The following CSDE1 variants were observed in gnomAD, a reference collection of about 807,000 sequenced individuals.
CSDE1 encodes cold shock domain containing E1, also known as cold shock domain-containing protein E1.
CSDE1 carries 17 observed loss-of-function variants against 89.3 expected under a neutral mutation model. That is an observed-to-expected ratio of 0.19 (90% CI 0.13 to 0.29). The LOEUF (loss-of-function observed/expected upper bound fraction) is 0.29, where lower values mean the gene tolerates loss of function less well. Among genes scored for constraint, CSDE1 ranks in the 10% least tolerant of loss-of-function variants. The probability of loss-of-function intolerance (pLI) is 1.00; values close to 1 mark genes in which losing one functional copy is unlikely to be tolerated. For synonymous variants in CSDE1, 322 were observed against 332.8 expected, an observed-to-expected ratio of 0.97 and a Z score of 0.35; for missense variants, 672 against 984.2, an observed-to-expected ratio of 0.68 and a Z score of 4.24.
intron 2 of CSDE1, chr1:114,741,393 G>C (rs1167661134): frequency 2.6e-6 from 2 of 781,418 alleles, no homozygotes; most frequent in Non-Finnish European, 3.8e-6. Context: ...TCTTTCAAGA[G>C]TGAAGGTGAA....
intron 2 of CSDE1, among the ~76,000 whole-genome samples, chr1:114,748,957 T>C (rs977203281): frequency 2.0e-5 from 3 of 152,204 alleles, no homozygotes; most frequent in African/African-American, 7.2e-5. Flanking sequence ...ACAAATGCAT[T>C]GGGCCAAGCC....
intron 12 of CSDE1, among the ~76,000 whole-genome samples, chr1:114,727,328 T>C (rs961176521): frequency 4.6e-5 from 7 of 152,272 alleles, no homozygotes; most frequent in South Asian, 2.1e-4. Flanking sequence ...ATTTTTGCTA[T>C]TGAGGAGAAA....
At position 114,751,813 on chromosome 1, in the gene CSDE1, A is replaced by T. The variant is rs562300764; in HGVS notation, c.-387-1606T>A. On this transcript the variant is annotated intron_variant, in intron 1 of 19. Coordinates refer to ENST00000358528, the MANE Select transcript of CSDE1 (RefSeq NM_001007553.3). Reference sequence around the variant, plus strand: ...CTTCCCCTCTCCATCACCATACCCAATGTTGCAAGTTGTGTTAGTATTTCC... The same window carrying T: ...CTTCCCCTCTCCATCACCATACCCATTGTTGCAAGTTGTGTTAGTATTTCC... 2.0e-5 allele frequency among the ~76,000 whole-genome samples: 3 copies of T among 152,204 alleles called. No individual in the cohort carries two copies. The South Asian group carries it at 6.2e-4, about 32-fold the overall frequency.
At chr1:114,756,045 G>C (rs1661581657) in intron 1 of CSDE1, among the ~76,000 whole-genome samples, 4 of 152,190 alleles carry the variant, frequency 2.6e-5, no homozygotes. Context: ...GTGTCTTCAG[G>C]TGGGGAGAAG....
chr1:114,727,151 C>T (rs1659842405), intron 12 of CSDE1, 61 bp from the exon 13 acceptor site: 3 of 1,154,002 alleles, frequency 2.6e-6, no homozygotes, highest in African/African-American at 1.5e-5. Flanking sequence ...CCAATAAAAA[C>T]AACTATAGTT....
At position 114,726,335 on chromosome 1, in the gene CSDE1, A is replaced by C. The variant is rs751993375; in HGVS notation, c.1516T>G (p.Cys506Gly). ...KQRPGQQVAT[C>G]VRLLGRNSNS... ...GAATTACGACCTAAAAGTCGCACAC[A>C]AGTTGCAACCTGCTGTCCAGGCCTC... Residue 506 changes from cysteine (C) to glycine (G), a missense_variant, in exon 14 of 20, where the codon TGT becomes GGT. By Grantham distance (159) the Cys-to-Gly change is radical. Transcript: ENST00000358528. The C allele has an allele frequency of 1.9e-6, 3 of 1,613,730 alleles. No individual in the cohort carries two copies. The highest frequency in any genetic ancestry group is 2.5e-6 in the Non-Finnish European group (3 of 1,179,858).
intron 2 of CSDE1, chr1:114,741,802 T>C (rs556312672): frequency 2.0e-5 from 13 of 643,588 alleles, no homozygotes; most frequent in Admixed American, 3.6e-5. Context: ...AGGAAATACA[T>C]AGAATTAACA....
In CSDE1 at chr1:114,732,834, C is replaced by T. The variant is rs755471051; in HGVS notation, c.838-18G>A. 1.9e-5 allele frequency: 31 copies of T among 1,590,334 alleles called. No individual in the cohort carries two copies. Among genetic ancestry groups the T allele is most frequent in the South Asian group, 7.7e-5 (7 of 90,576 alleles). ...GGGTCATTCTGATGAGAAGGAAAAACGATTTTAGCTGGAGATTTCTCATCC... is the reference window on the plus strand; with the variant it reads ...GGGTCATTCTGATGAGAAGGAAAAATGATTTTAGCTGGAGATTTCTCATCC... On this transcript the variant is annotated intron_variant, in intron 9 of 19. Transcript: ENST00000358528.
At chr1:114,743,272 A>ACCTCTGCCTCCTGGGTTCAAGTGATC (rs1660831011) in intron 2 of CSDE1, among the ~76,000 whole-genome samples, 1 of 152,012 alleles carries the variant, frequency 6.6e-6, no homozygotes, top group African/African-American at 2.4e-5. Context: ...GCTCACTGCA[A>ACCTCTGCCTCCTGGGTTCAAGTGATC]CCTCTGCCTC....
At chr1:114,748,937 C>A (rs575032268) in intron 2 of CSDE1, among the ~76,000 whole-genome samples, 1 of 152,188 alleles carries the variant, frequency 6.6e-6, no homozygotes, top group Non-Finnish European at 1.5e-5. Context: ...GGCTCTCCTA[C>A]GGAATAAAGA....
intron 1 of CSDE1, among the ~76,000 whole-genome samples, chr1:114,754,445 T>C (rs767566836): frequency 1.3e-5 from 2 of 152,254 alleles, no homozygotes; most frequent in Admixed American, 6.5e-5. Flanking sequence ...TAGTTTATTA[T>C]TTTGAAAGTA....
Position 114,718,145 on chromosome 1 carries a change from T to C in CSDE1, c.*24A>G. ...TCCCCCCAACTTGATCATAGTGGAT[T>C]AATGGTGTGCTTTGTGGATGTGGTT... On this transcript the variant is annotated 3_prime_UTR_variant, in exon 20 of 20. Coordinates refer to ENST00000358528, the MANE Select transcript of CSDE1 (RefSeq NM_001007553.3). The C allele has an allele frequency of 6.2e-7, 1 of 1,613,694 alleles. No homozygotes were observed. The highest frequency in any genetic ancestry group is 8.5e-7 in the Non-Finnish European group (1 of 1,179,648).
chr1:114,734,043 G>A lies in CSDE1; in HGVS notation c.657C>T (p.Asp219=). The part of the protein sequence containing the change: ...IFFHYSEFKG[D]LETLQPGDDV... ...CATCGCCAGGCTGTAAGGTTTCTAA[G>A]TCACCCTTAAATTCACTATAGTGAA... The change falls in exon 8 of 20, where the codon GAC becomes GAT. Residue 219 remains aspartate (D), a synonymous_variant. Coordinates refer to ENST00000358528, the MANE Select transcript of CSDE1 (RefSeq NM_001007553.3). The A allele has an allele frequency of 1.2e-6, 2 of 1,613,344 alleles. No homozygotes were observed. The highest frequency in any genetic ancestry group is 4.5e-5 in the East Asian group (2 of 44,862).
chr1:114,722,990 A>C (rs1269344125), intron 16 of CSDE1, among the ~76,000 whole-genome samples: 1 of 152,130 alleles, frequency 6.6e-6, no homozygotes, highest in African/African-American at 2.4e-5. Context: ...TTGTAAACCA[A>C]GCCATCATCT....
intron 4 of CSDE1, among the ~76,000 whole-genome samples, 161 bp from the exon 5 acceptor site, chr1:114,737,724 G>A (rs886555997): frequency 4.6e-5 from 7 of 152,164 alleles, no homozygotes; most frequent in Non-Finnish European, 1.0e-4. Flanking sequence ...CTTACAGTAT[G>A]TAAATTGACT....
chr1:114,722,428 C>G (rs565395079), intron 16 of CSDE1, among the ~76,000 whole-genome samples: 29 of 152,202 alleles, frequency 1.9e-4, no homozygotes, highest in Non-Finnish European at 3.4e-4. Context: ...AGATTATATG[C>G]TAGAACGGTG....
chr1:114,721,449 T>C (rs1039800928), intron 16 of CSDE1, among the ~76,000 whole-genome samples: 1 of 152,204 alleles, frequency 6.6e-6, no homozygotes, highest in African/African-American at 2.4e-5. Context: ...ATAAAAACTA[T>C]GCCAAAGAAT....
intron 7 of CSDE1, 50 bp downstream of exon 7, chr1:114,734,392 A>T (rs1031104711): frequency 4.0e-6 from 6 of 1,509,018 alleles, no homozygotes; most frequent in Non-Finnish European, 5.5e-6. Context: ...TTGAAGTACA[A>T]CATTTCAAGT....
At chr1:114,735,238 T>A (rs1033125778) in intron 6 of CSDE1, among the ~76,000 whole-genome samples, 5 of 152,210 alleles carry the variant, frequency 3.3e-5, no homozygotes, top group Non-Finnish European at 5.9e-5. Context: ...GTATAAGACA[T>A]AATGGTACTG....
Sources: allele counts gnomAD v4.1 joint callset (sites outside exome capture counted in the v4.1 genomes callset), GRCh38; gene constraint gnomAD v4.1.1; transcripts MANE v1.5; gene names NCBI Gene and HGNC (gene_info 2026-07-23, HGNC 2026-07-21).